POGLUT2: variants seen among roughly 807,000 people sequenced by gnomAD.
POGLUT2 encodes protein O-glucosyltransferase 2.
Under a neutral mutation model 57.6 loss-of-function variants are expected in POGLUT2, and 47 were observed. The ratio of observed to expected loss-of-function variants is 0.82; its 90% confidence interval spans 0.65 to 1.04. The LOEUF (loss-of-function observed/expected upper bound fraction) is 1.04. Ranked by LOEUF, POGLUT2 falls within the 50% of genes least tolerant of loss-of-function variation. The probability of loss-of-function intolerance (pLI) is 0.00; values close to 1 mark genes in which losing one functional copy is unlikely to be tolerated. For missense variants in POGLUT2, 565 were observed against 614.8 expected (o/e 0.92, Z 0.86); for synonymous variants, 200 against 218.8 (o/e 0.91, Z 0.76).
intron 4 of POGLUT2, chr13:102,791,911 A>G (rs138157343): frequency 2.1e-6 from 2 of 975,564 alleles, no homozygotes; most frequent in East Asian, 1.2e-4. Context: ...TGTAAAGAGG[A>G]TATGTTTTAT....
At chr13:102,796,293 C>CAAAAAAAAAAAAAAAAAAAAAAAAA (rs151064207) in intron 2 of POGLUT2, among the ~76,000 whole-genome samples, 2 of 100,734 alleles carry the variant, frequency 2.0e-5, no homozygotes, top group African/African-American at 7.4e-5. Flanking sequence ...GACTCTGCCT[C>CAAAAAAAAAAAAAAAAAAAAAAAAA]AAAAAAAAAA....
chr13:102,789,146 C>G lies in POGLUT2; in HGVS notation c.1159G>C (p.Val387Leu), dbSNP rs774847044. The part of the protein sequence containing the change: ...LPYLLVGDSV[V>L]LKQDSIYYEH... ...TAGTAGATGGAATCCTGCTTCAGCA[C>G]AACACTGTCACCAACTAGCAAATAT... Residue 387 changes from valine to leucine, a missense_variant, in exon 7 of 10, where the codon GTG (valine) becomes CTG (leucine). Val to Leu is a conservative substitution (Grantham distance 32). Coordinates refer to ENST00000376004, the MANE Select transcript of POGLUT2 (RefSeq NM_024089.3). The G allele has an allele frequency of 1.2e-5, 20 of 1,614,182 alleles. No homozygotes were observed. Among genetic ancestry groups the G allele is most frequent in the Non-Finnish European group, 1.4e-5 (16 of 1,180,006 alleles).
chr13:102,792,306 T>C (rs1259415451), intron 4 of POGLUT2, among the ~76,000 whole-genome samples: 1 of 152,188 alleles, frequency 6.6e-6, no homozygotes, highest in African/African-American at 2.4e-5. Context: ...GTCTTTCACA[T>C]CCACCATTTT....
intron 2 of POGLUT2, among the ~76,000 whole-genome samples, chr13:102,796,130 A>G (rs1878367373): frequency 6.6e-6 from 1 of 151,836 alleles, no homozygotes; most frequent in Admixed American, 6.6e-5. Context: ...TCCTGTCTCT[A>G]CTAAAAATAC....
Position 102,789,204 on chromosome 13 carries a change from A to G in POGLUT2, c.1101T>C (p.Asn367=), listed in dbSNP as rs1473988217. The change falls in exon 7 of 10, where the codon AAT becomes AAC. Residue 367 remains asparagine (N), a synonymous_variant. Coordinates refer to ENST00000376004, the MANE Select transcript of POGLUT2 (RefSeq NM_024089.3). ...FDFFKHKYQI[N]IDGTVAAYRL... The stretch of plus-strand genomic sequence containing the variant: ...GATAAGCTGCTACAGTGCCATCGAT[A>G]TTTATTTGATACTTATGCTGCAAAA... The G allele has an allele frequency of 1.2e-6, 2 of 1,613,928 alleles. No homozygotes were observed. Among genetic ancestry groups the G allele is most frequent in the Non-Finnish European group, 1.7e-6 (2 of 1,179,792 alleles).
At chr13:102,795,168 C>T (rs1334539679) in intron 2 of POGLUT2, among the ~76,000 whole-genome samples, 1 of 144,802 alleles carries the variant, frequency 6.9e-6, no homozygotes, top group Non-Finnish European at 1.5e-5. Context: ...AGCAGAATCG[C>T]TTGAACCCGG....
At chr13:102,795,571 C>T (rs548589579) in intron 2 of POGLUT2, among the ~76,000 whole-genome samples, 4 of 152,168 alleles carry the variant, frequency 2.6e-5, no homozygotes, top group African/African-American at 7.2e-5. Flanking sequence ...TCAACAACAA[C>T]GGCAACAAAA....
chr13:102,793,167 G>A lies in POGLUT2; in HGVS notation c.672+174C>T, dbSNP rs548260814. 4.1e-4 allele frequency: 222 copies of A among 542,824 alleles called. 4 individuals carry two copies. In the South Asian group the frequency reaches 6.1e-3, roughly 15 times the overall value. 33.6% of individuals were successfully genotyped at this position (542,824 alleles called of 1,614,324 possible). A position where few individuals can be genotyped will look rare whatever the true frequency, so the allele number is the denominator to read the frequency against. On this transcript the variant is annotated intron_variant, in intron 4 of 9. Transcript: ENST00000376004. ...TTCCAGTTTGTAGCACTTTGTTACG[G>A]CAGCCCTAGGAAACAAACGCAGGTA...
At chr13:102,787,787 C>T in intron 8 of POGLUT2, 47 bp downstream of exon 8, 1 of 995,186 alleles carries the variant, frequency 1.0e-6, no homozygotes, top group African/African-American at 1.6e-5. Context: ...TTGTTCTTAA[C>T]ATGTCTACTT....
intron 2 of POGLUT2, among the ~76,000 whole-genome samples, chr13:102,795,250 CA>C (rs58015405): frequency 0.11 from 4,867 of 42,640 alleles, 36 homozygotes; most frequent in African/African-American, 0.17. Flanking sequence ...GACATCGTCT[CA>C]AAAAAAAAAA....
intron 9 of POGLUT2, 126 bp from the exon 10 acceptor site, chr13:102,784,638 G>T (rs1877861911): frequency 3.1e-6 from 2 of 637,050 alleles, no homozygotes; most frequent in Non-Finnish European, 5.7e-6. Context: ...AGGCTTTTAG[G>T]GCTTGGGACT....
In POGLUT2 at chr13:102,788,686, A is replaced by G. The variant is rs148261158; in HGVS notation, c.1293+326T>C. ...TTTTTAGTAGAGATGGGGTTTGACCATGTTAGCCAGGCTGGTCTTGAACTC... is the reference window on the plus strand; with the variant it reads ...TTTTTAGTAGAGATGGGGTTTGACCGTGTTAGCCAGGCTGGTCTTGAACTC... On this transcript the variant is annotated intron_variant, in intron 7 of 9. Coordinates refer to ENST00000376004, the MANE Select transcript of POGLUT2 (RefSeq NM_024089.3). Among the ~76,000 whole-genome samples, 101 of 152,282 alleles carry G rather than the reference A, an allele frequency of 6.6e-4. No homozygotes were observed. In the East Asian group the frequency reaches 0.017, roughly 26 times the overall value.
At chr13:102,787,754 G>T in intron 8 of POGLUT2, 80 bp downstream of exon 8, 1 of 703,632 alleles carries the variant, frequency 1.4e-6, no homozygotes. Flanking sequence ...CATATGTTTA[G>T]AAATTGTTAA....
intron 4 of POGLUT2, chr13:102,791,951 C>A (rs1308710672): frequency 7.9e-7 from 1 of 1,265,514 alleles, no homozygotes; most frequent in African/African-American, 1.5e-5. Context: ...AGAGTATTTA[C>A]AAAACAACAG....
intron 3 of POGLUT2, 66 bp from the exon 4 acceptor site, chr13:102,793,484 CT>C (rs1878261771): frequency 5.4e-6 from 7 of 1,305,746 alleles, no homozygotes; most frequent in Middle Eastern, 2.0e-4. Flanking sequence ...TGAGGAAAAG[CT>C]TGTCACAGTG....
rs962752367 is a variant in POGLUT2, at chr13:102,784,580, C to T, written c.1492-68G>A. 34 of 938,486 alleles carry T rather than the reference C, an allele frequency of 3.6e-5. No homozygotes were observed. The South Asian group carries it at 4.1e-4, about 11-fold the overall frequency. 58.1% of individuals were successfully genotyped at this position (938,486 alleles called of 1,614,324 possible). A position where few individuals can be genotyped will look rare whatever the true frequency, so the allele number is the denominator to read the frequency against. On this transcript the variant is annotated intron_variant, in intron 9 of 9. Transcript: ENST00000376004. ...TACACAAGTGAAGAAGACTTACATT[C>T]GTTAATTATTTTCCTGTAAAGATGA...
chr13:102,791,433 A>G lies in POGLUT2; in HGVS notation c.673-3T>C, dbSNP rs1364450850. ...AGCTCCACATCTGGCATCTTCACCT[A>G]GAAAAAACAAAACGAGGAGCTTATT... On this transcript the variant is annotated splice_region_variant and splice_polypyrimidine_tract_variant and intron_variant, in intron 4 of 9. Coordinates refer to ENST00000376004, the MANE Select transcript of POGLUT2 (RefSeq NM_024089.3). 9 of 1,577,862 alleles carry G rather than the reference A, an allele frequency of 5.7e-6. No homozygotes were observed. In the South Asian group the frequency reaches 7.1e-5, roughly 12 times the overall value.
intron 4 of POGLUT2, among the ~76,000 whole-genome samples, chr13:102,791,650 T>C (rs1490293794): frequency 1.3e-5 from 2 of 152,186 alleles, no homozygotes; most frequent in Non-Finnish European, 2.9e-5. Context: ...GCAAAAGTAA[T>C]CTCTGTTCTA....
At position 102,791,166 on chromosome 13, in the gene POGLUT2, C is replaced by T. The variant is rs754477947; in HGVS notation, c.846-28G>A. 7 of 1,609,406 alleles carry T rather than the reference C, an allele frequency of 4.3e-6. No homozygotes were observed. In the South Asian group the frequency reaches 6.6e-5, roughly 15 times the overall value. On this transcript the variant is annotated intron_variant, in intron 5 of 9. Coordinates refer to ENST00000376004, the MANE Select transcript of POGLUT2 (RefSeq NM_024089.3). ...AGAAGACAAAGTGCAACAGATTTTC[C>T]TCCCAAATCATCATATCACAAAGGT...
Sources: allele counts gnomAD v4.1 joint callset (sites outside exome capture counted in the v4.1 genomes callset), GRCh38; gene constraint gnomAD v4.1.1; transcripts MANE v1.5; gene names NCBI Gene and HGNC (gene_info 2026-07-23, HGNC 2026-07-21).